Variants in WDFY2 observed in about 807,000 individuals in gnomAD.
WDFY2 encodes the protein WD repeat and FYVE domain-containing protein 2.
In WDFY2, 36 loss-of-function variants were observed where a neutral mutation model predicts 56.4. The ratio of observed to expected loss-of-function variants is 0.64; its 90% CI spans 0.49 to 0.84. WDFY2 has a LOEUF of 0.84. Among genes scored for constraint, WDFY2 ranks in the 40% least tolerant of loss-of-function variants. The probability of loss-of-function intolerance (pLI) is 0.00; values close to 1 mark genes in which losing one functional copy is unlikely to be tolerated. For synonymous variants in WDFY2, 176 were observed against 183.7 expected (o/e 0.96, Z 0.34); for missense variants, 444 against 512.2 (o/e 0.87, Z 1.29).
chr13:51,659,224 G>A (rs775705979), intron 1 of WDFY2, among the ~76,000 whole-genome samples: 25 of 152,216 alleles, frequency 1.6e-4, no homozygotes, highest in Admixed American at 1.0e-3. Context: ...ACCGCGCACA[G>A]CCTGCTTATT....
chr13:51,600,583 G>A (rs3862737), intron 1 of WDFY2, among the ~76,000 whole-genome samples: 144,012 of 152,266 alleles, frequency 0.95, 68,613 homozygotes, highest in East Asian at 1. Context: ...CCAGAATTGC[G>A]GAATTCCTTG....
intron 1 of WDFY2, among the ~76,000 whole-genome samples, chr13:51,612,155 T>C (rs1220735357): frequency 1.3e-5 from 2 of 152,156 alleles, no homozygotes; most frequent in Non-Finnish European, 2.9e-5. Flanking sequence ...CATGGAATGA[T>C]CATCATTAGA....
intron 3 of WDFY2, among the ~76,000 whole-genome samples, chr13:51,690,457 G>A (rs1283230316): frequency 2.7e-5 from 4 of 149,718 alleles, no homozygotes; most frequent in Admixed American, 6.7e-5. Flanking sequence ...TTGGTTTTTT[G>A]TTCTTGTGAT....
intron 4 of WDFY2, among the ~76,000 whole-genome samples, chr13:51,712,775 T>C (rs897570898): frequency 6.6e-6 from 1 of 151,682 alleles, no homozygotes; most frequent in Non-Finnish European, 1.5e-5. Context: ...AAATTATCAA[T>C]ATCAGGAATG....
intron 1 of WDFY2, among the ~76,000 whole-genome samples, chr13:51,654,489 G>A (rs777473888): frequency 1.3e-5 from 2 of 152,124 alleles, no homozygotes; most frequent in Non-Finnish European, 1.5e-5. Flanking sequence ...CGCCTTCTGC[G>A]TCGCTCACGG....
In WDFY2 at chr13:51,759,719, ATCT is replaced by A. The variant is rs1566246665; in HGVS notation, c.1174-16_1174-14del. The A allele has an allele frequency of 2.5e-6, 4 of 1,613,762 alleles. No homozygotes were observed. The highest frequency in any genetic ancestry group is 2.2e-5 in the East Asian group (1 of 44,878). ...TCAACACAATTTTAGTTCATTCTGT[ATCT>A]TCTTTTTCTTTTTGCAGTTGTGGGA... On this transcript the variant is annotated intron_variant, in intron 11 of 11. Coordinates refer to ENST00000298125, the MANE Select transcript of WDFY2 (RefSeq NM_052950.4).
intron 1 of WDFY2, among the ~76,000 whole-genome samples, chr13:51,642,610 A>G (rs184547087): frequency 2.6e-5 from 4 of 151,182 alleles, no homozygotes; most frequent in Admixed American, 6.6e-5. Flanking sequence ...TTTTATTTTA[A>G]TGATAACATT....
In WDFY2 at chr13:51,761,337, AAAAATCTTATTTTC is replaced by A. The variant is rs1953575749; in HGVS notation, c.*1570_*1583del. ...AGCTCAGGATATTGAAGTCCCTTTTAAAAATCTTATTTTCACCTGTAAAAATAGAATAAAAATTA... is the reference window on the plus strand; with the variant it reads ...AGCTCAGGATATTGAAGTCCCTTTTAACCTGTAAAAATAGAATAAAAATTA... On this transcript the variant is annotated 3_prime_UTR_variant, in exon 12 of 12. Transcript: ENST00000298125. 6.6e-6 allele frequency: 1 copy of A among 152,216 alleles called. No homozygotes were observed. Among genetic ancestry groups the A allele is most frequent in the African/African-American group, 2.4e-5 (1 of 41,464 alleles). The allele number at this position is 152,216 out of a possible 1,614,324, so 9.4% of individuals were successfully genotyped here. A position where few individuals can be genotyped will look rare whatever the true frequency, so the allele number is the denominator to read the frequency against.
intron 1 of WDFY2, chr13:51,598,462 A>C (rs9316551): frequency 0.19 from 28,652 of 152,078 alleles, 3,521 homozygotes; most frequent in African/African-American, 0.32. Flanking sequence ...GCCACAGTGG[A>C]CCCCTCTCTG....
chr13:51,681,268 C>T (rs898199692), intron 3 of WDFY2, among the ~76,000 whole-genome samples: 4 of 152,174 alleles, frequency 2.6e-5, no homozygotes, highest in African/African-American at 9.7e-5. Context: ...CATCAGTCAT[C>T]ATGATGCATT....
intron 1 of WDFY2, among the ~76,000 whole-genome samples, chr13:51,639,726 G>C (rs1318786899): frequency 1.3e-5 from 2 of 152,130 alleles, no homozygotes; most frequent in East Asian, 3.8e-4. Flanking sequence ...TGTGGAATCT[G>C]AATTATTTTA....
At chr13:51,600,020 C>T (rs1490482028) in intron 1 of WDFY2, among the ~76,000 whole-genome samples, 1 of 152,158 alleles carries the variant, frequency 6.6e-6, no homozygotes, top group African/African-American at 2.4e-5. Context: ...TTCTCCCTCC[C>T]TCATCTCCAG....
chr13:51,741,928 C>T (rs1275044903), intron 7 of WDFY2, among the ~76,000 whole-genome samples: 1 of 152,134 alleles, frequency 6.6e-6, no homozygotes, highest in African/African-American at 2.4e-5. Flanking sequence ...ACATGGTCCC[C>T]GACATGCCTG....
In WDFY2 at chr13:51,694,783, A is replaced by G. The variant is rs1446630596; in HGVS notation, c.280-8813A>G. 9.9e-5 allele frequency among the ~76,000 whole-genome samples: 15 copies of G among 152,232 alleles called. No homozygotes were observed. The East Asian group carries it at 1.7e-3, about 18-fold the overall frequency. On this transcript the variant is annotated intron_variant, in intron 3 of 11. Transcript: ENST00000298125. ...ATAATATCCTGCAGAGTGTTTTCCA[A>G]CTTGGTTCCATTTTCCCCGTCACTT...
intron 5 of WDFY2, among the ~76,000 whole-genome samples, chr13:51,726,239 C>G (rs1952601977): frequency 6.7e-6 from 1 of 148,882 alleles, no homozygotes; most frequent in Non-Finnish European, 1.5e-5. Flanking sequence ...CCCCTCCACA[C>G]ACACTTGATA....
At chr13:51,670,536 C>CACACACACACACAG (rs1485724613) in intron 2 of WDFY2, among the ~76,000 whole-genome samples, 1 of 141,658 alleles carries the variant, frequency 7.1e-6, no homozygotes, top group Non-Finnish European at 1.6e-5. Flanking sequence ...CACACACACA[C>CACACACACACACAG]AGATGTTTGC....
At chr13:51,609,565 C>G (rs1954450651) in intron 1 of WDFY2, among the ~76,000 whole-genome samples, 1 of 143,658 alleles carries the variant, frequency 7.0e-6, no homozygotes, top group South Asian at 2.2e-4. Flanking sequence ...CATCAAAAAA[C>G]AAAACAAAAC....
intron 6 of WDFY2, among the ~76,000 whole-genome samples, chr13:51,738,240 AAAT>A (rs1952885858): frequency 6.6e-6 from 1 of 152,204 alleles, no homozygotes; most frequent in Non-Finnish European, 1.5e-5. Context: ...TAAGTGGAAA[AAAT>A]TCTTATTGTT....
chr13:51,601,837 A>G (rs1593862622), intron 1 of WDFY2, among the ~76,000 whole-genome samples: 1 of 152,190 alleles, frequency 6.6e-6, no homozygotes, highest in Non-Finnish European at 1.5e-5. Context: ...ATGCAGAGGC[A>G]TGAGTGTGGA....
Sources: allele counts gnomAD v4.1 joint callset (sites outside exome capture counted in the v4.1 genomes callset), GRCh38; gene constraint gnomAD v4.1.1; transcripts MANE v1.5; gene names NCBI Gene and HGNC (gene_info 2026-07-23, HGNC 2026-07-21).